The following ASCC1 variants were observed in gnomAD, a reference collection of about 807,000 sequenced individuals.
ASCC1 encodes the protein activating signal cointegrator 1 complex subunit 1, also known as ASC-1 complex subunit P50.
A neutral mutation model predicts 46.6 loss-of-function variants in ASCC1; 35 were observed. The observed-to-expected ratio is 0.75, with a 90% CI of 0.57 to 0.99. ASCC1 has a LOEUF of 0.99. Ranked by LOEUF, ASCC1 falls within the 50% of genes least tolerant of loss-of-function variation. The probability of loss-of-function intolerance (pLI) is 0.00; values close to 1 mark genes in which losing one functional copy is unlikely to be tolerated. For missense variants in ASCC1, 376 were observed against 428.7 expected, an observed-to-expected ratio of 0.88 and a Z score of 1.09; for synonymous variants, 143 against 146.6, an observed-to-expected ratio of 0.98 and a Z score of 0.18.
At chr10:72,101,453 C>T (rs1035904437) in intron 9 of ASCC1, among the ~76,000 whole-genome samples, 4 of 152,080 alleles carry the variant, frequency 2.6e-5, no homozygotes, top group Non-Finnish European at 5.9e-5. Flanking sequence ...TGAGCTGGGC[C>T]TTGTGGCAGG....
chr10:72,161,505 A>C (rs370719809), intron 6 of ASCC1, 33 bp downstream of exon 6: 2 of 1,613,918 alleles, frequency 1.2e-6, no homozygotes, highest in Non-Finnish European at 1.7e-6. Context: ...GCCCAGGTAG[A>C]CCACCCAACC....
At chr10:72,130,603 T>G (rs1268604980) in intron 8 of ASCC1, among the ~76,000 whole-genome samples, 1 of 152,208 alleles carries the variant, frequency 6.6e-6, no homozygotes, top group Admixed American at 6.5e-5. Context: ...TTAAGAGCTC[T>G]GAACAAATAT....
intron 6 of ASCC1, 42 bp from the exon 7 acceptor site, chr10:72,153,030 C>T (rs762842922): frequency 4.3e-6 from 7 of 1,612,592 alleles, no homozygotes; most frequent in Middle Eastern, 1.7e-4. Flanking sequence ...ACTGTTTAAG[C>T]TAAGAGGGCT....
At chr10:72,147,218 G>A (rs904220596) in intron 7 of ASCC1, among the ~76,000 whole-genome samples, 3 of 151,748 alleles carry the variant, frequency 2.0e-5, no homozygotes, top group Non-Finnish European at 2.9e-5. Flanking sequence ...AATGTTCTTG[G>A]TTGATTGCAC....
At chr10:72,153,773 G>A (rs1848642569) in intron 6 of ASCC1, among the ~76,000 whole-genome samples, 2 of 151,352 alleles carry the variant, frequency 1.3e-5, no homozygotes, top group Admixed American at 6.6e-5. Flanking sequence ...CGCCCAGGCT[G>A]GAGTGCAATG....
chr10:72,167,004 C>T (rs781771947), intron 5 of ASCC1, among the ~76,000 whole-genome samples: 1 of 152,036 alleles, frequency 6.6e-6, no homozygotes, highest in African/African-American at 2.4e-5. Flanking sequence ...TAAAACAGCA[C>T]GGCCACTTTG....
chr10:72,161,932 A>G (rs1446320427), intron 5 of ASCC1, among the ~76,000 whole-genome samples: 3 of 152,224 alleles, frequency 2.0e-5, no homozygotes, highest in East Asian at 3.9e-4. Context: ...CCTGGAATTC[A>G]GCAATGGATT....
At chr10:72,187,969 A>C (rs1282880637) in intron 5 of ASCC1, among the ~76,000 whole-genome samples, 1 of 151,780 alleles carries the variant, frequency 6.6e-6, no homozygotes, top group Non-Finnish European at 1.5e-5. Context: ...AAGAAAAAAA[A>C]AATTGGTTTT....
At chr10:72,166,510 AAC>A (rs1554834295) in intron 5 of ASCC1, among the ~76,000 whole-genome samples, 2,010 of 151,132 alleles carry the variant, frequency 0.013, 43 homozygotes, top group African/African-American at 0.044. Flanking sequence ...ACAAAAAAAA[AAC>A]AAAACCCACA....
chr10:72,150,857 A>C (rs990551035), intron 7 of ASCC1, among the ~76,000 whole-genome samples: 19 of 152,238 alleles, frequency 1.2e-4, no homozygotes, highest in Admixed American at 4.6e-4. Context: ...GCTCATCATC[A>C]CTGGTCATCA....
At chr10:72,184,705 G>A (rs1223099008) in intron 5 of ASCC1, among the ~76,000 whole-genome samples, 1 of 150,324 alleles carries the variant, frequency 6.7e-6, no homozygotes, top group Non-Finnish European at 1.5e-5. Flanking sequence ...AGAACAAGTA[G>A]ATACAAAATC....
At chr10:72,123,853 G>A (rs895038748) in intron 9 of ASCC1, among the ~76,000 whole-genome samples, 5 of 152,070 alleles carry the variant, frequency 3.3e-5, no homozygotes, top group Admixed American at 2.0e-4. Context: ...TTTGACCTTG[G>A]TAGTAGTCAC....
At chr10:72,172,999 ATATT>A (rs1485306186) in intron 5 of ASCC1, among the ~76,000 whole-genome samples, 10 of 141,568 alleles carry the variant, frequency 7.1e-5, no homozygotes, top group African/African-American at 1.8e-4. Flanking sequence ...TATTATATAT[ATATT>A]TCTTATATTT....
chr10:72,185,000 C>T (rs576605322), intron 5 of ASCC1, among the ~76,000 whole-genome samples: 1 of 151,872 alleles, frequency 6.6e-6, no homozygotes, highest in Non-Finnish European at 1.5e-5. Context: ...ACACAAATGG[C>T]CAATGAGCAC....
intron 9 of ASCC1, among the ~76,000 whole-genome samples, chr10:72,099,509 T>A (rs1434102561): frequency 6.6e-6 from 1 of 152,082 alleles, no homozygotes; most frequent in African/African-American, 2.4e-5. Flanking sequence ...AAGATCATAA[T>A]GGGCAAAGAC....
At chr10:72,149,828 G>T (rs753282323) in intron 7 of ASCC1, among the ~76,000 whole-genome samples, 3 of 152,098 alleles carry the variant, frequency 2.0e-5, no homozygotes, top group Non-Finnish European at 4.4e-5. Context: ...GTAACAATGT[G>T]CTCCTGGTTT....
intron 5 of ASCC1, among the ~76,000 whole-genome samples, chr10:72,184,249 TAAAGA>T (rs930202873): frequency 5.8e-5 from 8 of 137,576 alleles, no homozygotes; most frequent in Non-Finnish European, 9.6e-5. Context: ...AAAAAAAAAA[TAAAGA>T]AGAGACAGAA....
rs1589659824 is a variant in ASCC1, at chr10:72,210,724, T to C, written c.212+8A>G. The C allele has an allele frequency of 1.2e-6, 2 of 1,613,350 alleles. No individual in the cohort carries two copies. The highest frequency in any genetic ancestry group is 2.2e-5 in the East Asian group (1 of 44,884). ...TCTTCCCATGAAACTGTTGGGGACATGACTCACTTATAGAGCAAGCTGGGG... is the reference window on the plus strand; with the variant it reads ...TCTTCCCATGAAACTGTTGGGGACACGACTCACTTATAGAGCAAGCTGGGG... On this transcript the variant is annotated splice_region_variant and intron_variant, in intron 3 of 9. Coordinates refer to ENST00000672957, the MANE Select transcript of ASCC1 (RefSeq NM_001198800.3).
chr10:72,162,462 C>T (rs561956674), intron 5 of ASCC1, among the ~76,000 whole-genome samples: 30 of 151,816 alleles, frequency 2.0e-4, no homozygotes, highest in African/African-American at 5.6e-4. Flanking sequence ...TGAGCCACCG[C>T]GCCTGGCCCA....
Sources: allele counts gnomAD v4.1 joint callset (sites outside exome capture counted in the v4.1 genomes callset), GRCh38; gene constraint gnomAD v4.1.1; transcripts MANE v1.5; gene names NCBI Gene and HGNC (gene_info 2026-07-23, HGNC 2026-07-21).